The following TENM2 variants were observed in gnomAD, a reference collection of about 807,000 sequenced individuals.
The protein encoded by TENM2 is teneurin transmembrane protein 2, also known as teneurin-2.
Under a neutral mutation model 245.2 loss-of-function variants are expected in TENM2, and 52 were observed. The observed-to-expected ratio is 0.21, with a 90% CI of 0.17 to 0.27. TENM2 has a LOEUF of 0.27. TENM2 is among the 10% of genes least tolerant of loss of function. TENM2 has a pLI of 1.00. For missense variants in TENM2, 3,046 were observed against 3,666.8 expected (o/e 0.83, Z 4.37); for synonymous variants, 1,363 against 1,438.9 (o/e 0.95, Z 1.19).
chr5:167,619,065 C>A (rs372211669), intron 2 of TENM2, among the ~76,000 whole-genome samples: 2 of 152,066 alleles, frequency 1.3e-5, no homozygotes, highest in African/African-American at 4.8e-5. Context: ...GACATAGCCA[C>A]GTGGAAACAC....
the TENM2 span, among the ~76,000 whole-genome samples, chr5:167,051,670 A>G: frequency 6.6e-6 from 1 of 152,284 alleles, no homozygotes; most frequent in East Asian, 1.9e-4. Context: ...CCCTGAAAAT[A>G]TTTGCATTGG....
chr5:167,210,120 C>G, the TENM2 span, among the ~76,000 whole-genome samples: 1 of 152,176 alleles, frequency 6.6e-6, no homozygotes, highest in African/African-American at 2.4e-5. Flanking sequence ...AGGATAACTT[C>G]ATAAAGTAGG....
intron 2 of TENM2, among the ~76,000 whole-genome samples, chr5:167,805,242 GTC>G (rs142740340): frequency 0.048 from 7,273 of 152,218 alleles, 560 homozygotes; most frequent in African/African-American, 0.16. Context: ...ATTGTTTCAT[GTC>G]TATCTGTTTT....
the TENM2 span, among the ~76,000 whole-genome samples, chr5:167,131,034 T>C: frequency 6.6e-6 from 1 of 152,068 alleles, no homozygotes; most frequent in South Asian, 2.1e-4. Context: ...ACTTGAACTC[T>C]GACCACATCT....
chr5:167,458,494 C>CAAAAAAAAAAAAAAAAAAAAAA (rs70976430), intron 2 of TENM2, among the ~76,000 whole-genome samples: 1 of 82,012 alleles, frequency 1.2e-5, no homozygotes. Context: ...CTCAAAAAAA[C>CAAAAAAAAAAAAAAAAAAAAAA]AAAAAAAAAA....
chr5:167,593,074 A>G (rs1258303710), intron 2 of TENM2, among the ~76,000 whole-genome samples: 1 of 152,172 alleles, frequency 6.6e-6, no homozygotes, highest in Non-Finnish European at 1.5e-5. Flanking sequence ...TTCATTTGGA[A>G]ATTATTCCTT....
intron 25 of TENM2, chr5:168,229,682 A>G (rs930050904): frequency 2.6e-5 from 4 of 152,188 alleles, no homozygotes; most frequent in African/African-American, 7.2e-5. Flanking sequence ...TTTGCTGTGT[A>G]ACTGGATTGA....
exon 4 of TENM2, chr5:167,952,639 C>A (rs778829680): frequency 1.9e-6 from 3 of 1,613,176 alleles, no homozygotes; most frequent in Non-Finnish European, 2.5e-6. Context: ...CTCCCACCCC[C>A]TCACAACCAC....
chr5:167,633,974 G>C (rs1024358594), intron 2 of TENM2, among the ~76,000 whole-genome samples: 3 of 152,116 alleles, frequency 2.0e-5, no homozygotes, highest in Admixed American at 2.0e-4. Flanking sequence ...TGAGCAACTG[G>C]TTTGTTTCTG....
At chr5:167,914,272 T>G (rs763653543) in intron 3 of TENM2, among the ~76,000 whole-genome samples, 5 of 152,214 alleles carry the variant, frequency 3.3e-5, no homozygotes, top group Non-Finnish European at 7.3e-5. Context: ...TACAAAATGG[T>G]TTGATTTGTG....
chr5:167,271,455 G>GA, the TENM2 span, among the ~76,000 whole-genome samples: 8 of 151,796 alleles, frequency 5.3e-5, no homozygotes, highest in African/African-American at 1.2e-4. Context: ...TGGAGAGGGG[G>GA]AAAAAAGGCA....
chr5:167,370,333 C>T (rs1760333262), intron 1 of TENM2, among the ~76,000 whole-genome samples: 1 of 114,830 alleles, frequency 8.7e-6, no homozygotes, highest in African/African-American at 3.4e-5. Context: ...CAGAGTGAGA[C>T]TCCGTCTCAA....
chr5:167,711,483 G>A (rs1758904131), intron 2 of TENM2, among the ~76,000 whole-genome samples: 1 of 152,058 alleles, frequency 6.6e-6, no homozygotes, highest in Admixed American at 6.6e-5. Context: ...TTTCGGCCTG[G>A]ACCCCTGGGC....
chr5:168,237,340 T>C (rs1765596807), intron 25 of TENM2, among the ~76,000 whole-genome samples: 1 of 151,900 alleles, frequency 6.6e-6, no homozygotes, highest in South Asian at 2.1e-4. Context: ...CTATTCCTGA[T>C]TTTCCACGTT....
intron 2 of TENM2, among the ~76,000 whole-genome samples, chr5:167,769,443 A>G (rs1339294663): frequency 6.6e-6 from 1 of 152,166 alleles, no homozygotes; most frequent in Non-Finnish European, 1.5e-5. Context: ...TAATTTCTGT[A>G]TGTTAACATC....
chr5:167,079,286 C>T, the TENM2 span, among the ~76,000 whole-genome samples: 5 of 148,246 alleles, frequency 3.4e-5, no homozygotes, highest in East Asian at 1.9e-4. Context: ...CACACACACA[C>T]GCATATTATA....
At chr5:167,270,288 G>A in the TENM2 span, among the ~76,000 whole-genome samples, 2 of 152,264 alleles carry the variant, frequency 1.3e-5, no homozygotes, top group South Asian at 4.1e-4. Flanking sequence ...TAAGGATCAC[G>A]AAGTAACCAC....
At chr5:167,654,357 A>C (rs1356507794) in intron 2 of TENM2, among the ~76,000 whole-genome samples, 1 of 152,182 alleles carries the variant, frequency 6.6e-6, no homozygotes, top group East Asian at 1.9e-4. Flanking sequence ...ACGATGAAGA[A>C]GCACTCACTT....
In TENM2 at chr5:168,006,884, G is replaced by A. The variant is rs149261566; in HGVS notation, c.1186+13702G>A. On this transcript the variant is annotated intron_variant, in intron 5 of 28. Transcript: ENST00000518659. ...TAAACTTCTATCTGTCCGTGCTAAT[G>A]AGCTGCAATTTCAGCTGGGTTCCAC... is the stretch of plus-strand genomic sequence containing the variant. Among the ~76,000 whole-genome samples the A allele has an allele frequency of 2.5e-3, 382 of 152,260 alleles. 2 individuals are homozygous for A. Among genetic ancestry groups the A allele is most frequent in the African/African-American group, 8.9e-3 (368 of 41,562 alleles).
Sources: allele counts gnomAD v4.1 joint callset (sites outside exome capture counted in the v4.1 genomes callset), GRCh38; gene constraint gnomAD v4.1.1; transcripts MANE v1.5; gene names NCBI Gene and HGNC (gene_info 2026-07-23, HGNC 2026-07-21).